The following MYT1L variants were observed in gnomAD, a reference collection of about 807,000 sequenced individuals.
MYT1L encodes myelin transcription factor 1 like, also known as myelin transcription factor 1-like protein.
A neutral mutation model predicts 126.7 loss-of-function variants in MYT1L; 12 were observed. The observed-to-expected ratio is 0.09, with a 90% CI of 0.06 to 0.15. MYT1L has a LOEUF of 0.15. Ranked by LOEUF, MYT1L falls within the 10% of genes least tolerant of loss-of-function variation. MYT1L has a pLI of 1.00. For synonymous variants in MYT1L, 541 were observed against 604.2 expected, an observed-to-expected ratio of 0.90 and a Z score of 1.53; for missense variants, 979 against 1,585.2, an observed-to-expected ratio of 0.62 and a Z score of 6.49.
chr2:2,190,878 C>A (rs1193581658), intron 2 of MYT1L, among the ~76,000 whole-genome samples: 4 of 152,166 alleles, frequency 2.6e-5, no homozygotes, highest in Non-Finnish European at 5.9e-5. Flanking sequence ...CTCCACCTCC[C>A]AGGTTCAAGT....
intron 3 of MYT1L, among the ~76,000 whole-genome samples, chr2:2,145,767 G>C (rs895571395): frequency 6.6e-6 from 1 of 152,108 alleles, no homozygotes; most frequent in Admixed American, 6.6e-5. Flanking sequence ...TAAATGTATA[G>C]AGTTTAATAT....
intron 18 of MYT1L, among the ~76,000 whole-genome samples, chr2:1,855,472 CT>C (rs776461241): frequency 2.8e-4 from 42 of 152,320 alleles, no homozygotes; most frequent in Middle Eastern, 6.8e-3. Context: ...TCTCAGCTCC[CT>C]TTCAGGGAGG....
intron 2 of MYT1L, among the ~76,000 whole-genome samples, chr2:2,252,478 A>G (rs550568972): frequency 3.7e-4 from 56 of 152,342 alleles, no homozygotes; most frequent in African/African-American, 1.3e-3. Flanking sequence ...TCTGCAATCC[A>G]GGAGGGACTC....
chr2:1,867,575 T>A (rs62114750), intron 18 of MYT1L, among the ~76,000 whole-genome samples: 6,140 of 152,134 alleles, frequency 0.04, 162 homozygotes, highest in South Asian at 0.09. Flanking sequence ...GTCAAGTCAG[T>A]GAATGGCAGA....
intron 4 of MYT1L, among the ~76,000 whole-genome samples, chr2:2,011,775 T>G (rs2063851120): frequency 6.6e-6 from 1 of 152,204 alleles, no homozygotes; most frequent in South Asian, 2.1e-4. Context: ...ACAAAAAGAC[T>G]GTCAATATCA....
Position 1,979,115 on chromosome 2 carries a change from A to G in MYT1L, c.152+50T>C, listed in dbSNP as rs370968606. The G allele has an allele frequency of 9.9e-6, 15 of 1,510,878 alleles. No individual in the cohort carries two copies. Among genetic ancestry groups the G allele is most frequent in the Non-Finnish European group, 7.3e-6 (8 of 1,096,116 alleles). 93.6% of individuals were successfully genotyped at this position (1,510,878 alleles called of 1,614,324 possible). A position where few individuals can be genotyped will look rare whatever the true frequency, so the allele number is the denominator to read the frequency against. Reference sequence around the variant, plus strand: ...GTTCATCATCAGGACTGGGTCCCCAAATAAGTCACTTTAGACAGCACATTG... The same window carrying G: ...GTTCATCATCAGGACTGGGTCCCCAGATAAGTCACTTTAGACAGCACATTG... On this transcript the variant is annotated intron_variant, in intron 8 of 24. Transcript: ENST00000647738. The surrounding 1 kb of genome is among the most constrained non-coding windows in gnomAD (Gnocchi z 4.0).
chr2:2,177,641 G>A (rs531616369), intron 2 of MYT1L, among the ~76,000 whole-genome samples: 2 of 152,302 alleles, frequency 1.3e-5, no homozygotes, highest in Admixed American at 6.5e-5. Context: ...AGGTGAAGCA[G>A]GCACATGGTA....
chr2:1,952,689 C>T (rs1053525040), intron 8 of MYT1L, among the ~76,000 whole-genome samples: 1 of 128,546 alleles, frequency 7.8e-6, no homozygotes, highest in African/African-American at 2.9e-5. Context: ...CCTTTGTCCT[C>T]CTTCCTTCCT....
rs937220081 is a variant in MYT1L at position 2,081,825 on chromosome 2, C to T, written c.-303-27702G>A. 7.2e-5 allele frequency among the ~76,000 whole-genome samples: 11 copies of T among 152,198 alleles called. No individual in the cohort carries two copies. In the East Asian group the frequency reaches 1.2e-3, roughly 16 times the overall value. ...TGTGATCTTGGCTCACTGCAACCTC[C>T]GCCTCCTGGGTTCAAGCGATTCTCC... On this transcript the variant is annotated intron_variant, in intron 3 of 24. Transcript: ENST00000647738.
chr2:1,894,410 G>C (rs1037011349), intron 14 of MYT1L, among the ~76,000 whole-genome samples: 12 of 152,346 alleles, frequency 7.9e-5, no homozygotes, highest in African/African-American at 2.9e-4. Flanking sequence ...TGCACACCTT[G>C]ATCCACCCTA....
intron 4 of MYT1L, among the ~76,000 whole-genome samples, chr2:2,023,137 C>T (rs2065197073): frequency 6.6e-6 from 1 of 152,164 alleles, no homozygotes; most frequent in Non-Finnish European, 1.5e-5. Context: ...GGGAAAGACA[C>T]TGTGAGGTCA....
chr2:2,160,195 A>G (rs956254466), intron 3 of MYT1L, among the ~76,000 whole-genome samples: 2 of 152,244 alleles, frequency 1.3e-5, no homozygotes, highest in Admixed American at 6.5e-5. Context: ...TAGCATGTGC[A>G]CAAGAAAGAC....
At chr2:2,117,615 C>T (rs1010558444) in intron 3 of MYT1L, among the ~76,000 whole-genome samples, 2 of 152,122 alleles carry the variant, frequency 1.3e-5, no homozygotes, top group Admixed American at 6.6e-5. Flanking sequence ...ACAGGGACTC[C>T]CTTTAGAATG....
chr2:2,142,082 C>T (rs949345441), intron 3 of MYT1L, among the ~76,000 whole-genome samples: 1 of 152,132 alleles, frequency 6.6e-6, no homozygotes, highest in South Asian at 2.1e-4. Context: ...CTTGAAAGAT[C>T]AAATTCATAT....
At chr2:2,304,582 G>T (rs1195034371) in intron 1 of MYT1L, among the ~76,000 whole-genome samples, 2 of 152,138 alleles carry the variant, frequency 1.3e-5, no homozygotes, top group Non-Finnish European at 2.9e-5. Flanking sequence ...CTTGCTTGTG[G>T]TGAAGTTTCA....
intron 2 of MYT1L, among the ~76,000 whole-genome samples, chr2:2,283,236 T>C (rs961173584): frequency 1.3e-5 from 2 of 152,252 alleles, no homozygotes; most frequent in African/African-American, 4.8e-5. Context: ...AACATACTAA[T>C]GGTGGTTGTC....
intron 14 of MYT1L, among the ~76,000 whole-genome samples, chr2:1,900,378 C>T (rs1396917963): frequency 6.6e-6 from 1 of 151,982 alleles, no homozygotes. Context: ...CCACTTACTG[C>T]AAGCTCCGCC....
chr2:2,194,571 T>G (rs953769449), intron 2 of MYT1L, among the ~76,000 whole-genome samples: 10 of 152,206 alleles, frequency 6.6e-5, no homozygotes, highest in African/African-American at 2.2e-4. Flanking sequence ...CATGCCCACT[T>G]TGAGAGGCCA....
intron 2 of MYT1L, among the ~76,000 whole-genome samples, chr2:2,176,878 A>T (rs1276693508): frequency 6.6e-6 from 1 of 152,252 alleles, no homozygotes; most frequent in Non-Finnish European, 1.5e-5. Flanking sequence ...AAAGGACACC[A>T]GCAAATGCAA....
Sources: gnomAD v4.1 joint callset for allele counts (sites outside exome capture counted in the v4.1 genomes callset) on GRCh38, gnomAD v4.1.1 for gene constraint, Gnocchi (gnomAD v3.1) non-coding constraint, MANE v1.5 for transcripts, NCBI Gene and HGNC (gene_info 2026-07-23, HGNC 2026-07-21) for gene names.